TP53BP1: variants seen among roughly 807,000 people sequenced by gnomAD.
TP53BP1 encodes TP53-binding protein 1.
Under a neutral mutation model 200.8 loss-of-function variants are expected in TP53BP1, and 61 were observed. The observed-to-expected ratio is 0.30, with a 90% confidence interval of 0.25 to 0.38. The LOEUF (loss-of-function observed/expected upper bound fraction) is 0.38. Ranked by LOEUF, TP53BP1 falls within the 10% of genes least tolerant of loss-of-function variation. The pLI, the probability that TP53BP1 is intolerant of heterozygous loss-of-function variation, is 1.00. For synonymous variants in TP53BP1, 822 were observed against 844.3 expected (o/e 0.97, Z 0.46); for missense variants, 2,144 against 2,371.9 (o/e 0.90, Z 2.00).
At position 43,403,806 on chromosome 15, in the gene TP53BP1, C is replaced by G. The variant is rs753720627; in HGVS notation, c.*3577G>C. The G allele has an allele frequency of 1.7e-5, 28 of 1,607,428 alleles. No individual in the cohort carries two copies. The highest frequency in any genetic ancestry group is 2.3e-5 in the Non-Finnish European group (27 of 1,173,946). ...GCTGAGCATTCTCGTGAAGGTGCGTCTGCCTGGAAGTATGCAGCCTTGCCG... is the reference window on the plus strand; with the variant it reads ...GCTGAGCATTCTCGTGAAGGTGCGTGTGCCTGGAAGTATGCAGCCTTGCCG... On this transcript the variant is annotated 3_prime_UTR_variant, in exon 28 of 28. Transcript: ENST00000382044.
chr15:43,419,351 T>A (rs1360021162), intron 21 of TP53BP1, among the ~76,000 whole-genome samples: 5 of 152,024 alleles, frequency 3.3e-5, no homozygotes, highest in Non-Finnish European at 2.9e-5. Flanking sequence ...GAGAAGGGCA[T>A]TTCACCTCTG....
chr15:43,505,709 A>ACTTCTTC (rs1335605097), intron 1 of TP53BP1, among the ~76,000 whole-genome samples: 2 of 152,172 alleles, frequency 1.3e-5, no homozygotes, highest in Non-Finnish European at 2.9e-5. Flanking sequence ...ATAAATGCAG[A>ACTTCTTC]CTTCTTCCCC....
At chr15:43,416,616 G>C (rs758177310) in intron 21 of TP53BP1, 200 bp from the exon 22 acceptor site, 4 of 422,754 alleles carry the variant, frequency 9.5e-6, no homozygotes, top group Non-Finnish European at 1.7e-5. Flanking sequence ...CTGGGATTAG[G>C]ACAAGGAAAG....
At chr15:43,505,981 T>C (rs921522571) in intron 1 of TP53BP1, among the ~76,000 whole-genome samples, 4 of 152,182 alleles carry the variant, frequency 2.6e-5, no homozygotes, top group Admixed American at 2.0e-4. Context: ...TGCAGCTCCC[T>C]TGGATATTTT....
intron 11 of TP53BP1, among the ~76,000 whole-genome samples, chr15:43,468,675 G>A (rs1424004708): frequency 6.6e-6 from 1 of 151,796 alleles, no homozygotes; most frequent in African/African-American, 2.4e-5. Flanking sequence ...CAAGTGCAAG[G>A]CACTAGTCTA....
At chr15:43,444,667 T>C (rs956674242) in intron 14 of TP53BP1, among the ~76,000 whole-genome samples, 3 of 152,152 alleles carry the variant, frequency 2.0e-5, no homozygotes, top group African/African-American at 7.2e-5. Context: ...CGGCTTCTTA[T>C]GAGATTTAAT....
chr15:43,413,657 AG>A (rs1443805575), intron 23 of TP53BP1, among the ~76,000 whole-genome samples: 3 of 152,342 alleles, frequency 2.0e-5, no homozygotes, highest in Admixed American at 6.5e-5. Context: ...GGTCATCTGA[AG>A]AAAGAGGTGG....
chr15:43,491,235 C>T (rs1446880170), intron 4 of TP53BP1, among the ~76,000 whole-genome samples: 1 of 152,086 alleles, frequency 6.6e-6, no homozygotes. Context: ...CACGCACCAC[C>T]AGGCCCAGCT....
intron 23 of TP53BP1, chr15:43,414,001 C>A: frequency 2.5e-6 from 1 of 396,444 alleles, no homozygotes; most frequent in Admixed American, 3.6e-5. Flanking sequence ...CCAGAACACC[C>A]ATGCCAAGAG....
intron 4 of TP53BP1, among the ~76,000 whole-genome samples, chr15:43,490,555 G>T (rs1165341929): frequency 6.6e-6 from 1 of 152,096 alleles, no homozygotes; most frequent in Non-Finnish European, 1.5e-5. Context: ...AAAAACAATA[G>T]TCTTTAACCA....
chr15:43,497,231 T>C (rs1595634907), upstream of TP53BP1, among the ~76,000 whole-genome samples: 1 of 152,246 alleles, frequency 6.6e-6, no homozygotes, highest in East Asian at 1.9e-4. Flanking sequence ...CCGTCTCTAT[T>C]AAAAATACAA....
chr15:43,426,168 G>A (rs554604326), intron 18 of TP53BP1, among the ~76,000 whole-genome samples: 1 of 152,104 alleles, frequency 6.6e-6, no homozygotes, highest in Non-Finnish European at 1.5e-5. Flanking sequence ...AACAGGCCGG[G>A]CGCAGTGGCT....
At chr15:43,504,590 G>T (rs1345975082) in intron 1 of TP53BP1, among the ~76,000 whole-genome samples, 3 of 152,054 alleles carry the variant, frequency 2.0e-5, no homozygotes, top group Admixed American at 2.0e-4. Context: ...CCACAAATAA[G>T]GTAAAGGTAA....
Position 43,470,066 on chromosome 15 carries a change from T to C in TP53BP1, c.1181A>G (p.Asp394Gly). 4 of 1,612,144 alleles carry C rather than the reference T, an allele frequency of 2.5e-6. No homozygotes were observed. Among genetic ancestry groups the C allele is most frequent in the Non-Finnish European group, 3.4e-6 (4 of 1,179,654 alleles). Residue 394 changes from aspartate to glycine, a missense_variant and splice_region_variant, in exon 11 of 28, where the codon GAT becomes GGT. Coordinates refer to ENST00000382044, the MANE Select transcript of TP53BP1 (RefSeq NM_001141980.3). The part of the protein sequence containing the change: ...SSPTEQEGRQ[D>G]KPMDTSVLSE... ...TAACACTGACGTGTCCATTGGCTTA[T>C]CTGGTTTAAAACAGGAGAAACAAAT...
intron 10 of TP53BP1, among the ~76,000 whole-genome samples, chr15:43,470,322 A>C (rs567040143): frequency 2.6e-5 from 4 of 152,228 alleles, no homozygotes; most frequent in Non-Finnish European, 5.9e-5. Flanking sequence ...CTACCCACCC[A>C]TTCATAAAAA....
At chr15:43,507,595 T>C (rs2079244337) in intron 1 of TP53BP1, among the ~76,000 whole-genome samples, 1 of 152,264 alleles carries the variant, frequency 6.6e-6, no homozygotes, top group Non-Finnish European at 1.5e-5. Context: ...AAATACTTTA[T>C]AATTCATATA....
chr15:43,493,462 C>G (rs2079157678), upstream of TP53BP1, among the ~76,000 whole-genome samples: 1 of 152,150 alleles, frequency 6.6e-6, no homozygotes, highest in Non-Finnish European at 1.5e-5. Flanking sequence ...TGCTTTTTCT[C>G]GTTCACGCCC....
At position 43,404,763 on chromosome 15, in the gene TP53BP1, A is replaced by G; in HGVS notation, c.*2620T>C. On this transcript the variant is annotated 3_prime_UTR_variant, in exon 28 of 28. Coordinates refer to ENST00000382044, the MANE Select transcript of TP53BP1 (RefSeq NM_001141980.3). Reference sequence around the variant, plus strand: ...ATCATAAAATACTAAAAAACCTGACAGTGAGATAGGTGTTAAGTCCTTTGC... The same window carrying G: ...ATCATAAAATACTAAAAAACCTGACGGTGAGATAGGTGTTAAGTCCTTTGC... 1.7e-6 allele frequency: 1 copy of G among 591,670 alleles called. No individual in the cohort carries two copies. Among genetic ancestry groups the G allele is most frequent in the Middle Eastern group, 4.7e-4 (1 of 2,150 alleles). The allele number at this position is 591,670 out of a possible 1,614,324, so 36.7% of individuals were successfully genotyped here.
At chr15:43,453,204 A>G (rs2046213221) in intron 12 of TP53BP1, among the ~76,000 whole-genome samples, 1 of 150,868 alleles carries the variant, frequency 6.6e-6, no homozygotes, top group Admixed American at 6.6e-5. Context: ...AAAAAAAAAA[A>G]AAAAAAAAAA....
Sources: allele counts gnomAD v4.1 joint callset (sites outside exome capture counted in the v4.1 genomes callset), GRCh38; gene constraint gnomAD v4.1.1; transcripts MANE v1.5; gene names NCBI Gene and HGNC (gene_info 2026-07-23, HGNC 2026-07-21).